Variants in TRAF3 observed in about 807,000 individuals in gnomAD.
TRAF3 encodes TNF receptor associated factor 3, also known as TNF receptor-associated factor 3.
TRAF3 carries 13 observed loss-of-function variants against 62.3 expected under a neutral mutation model. The ratio of observed to expected loss-of-function variants is 0.21; its 90% CI spans 0.14 to 0.33. The LOEUF is 0.33. Ranked by LOEUF, TRAF3 falls within the 10% of genes least tolerant of loss-of-function variation. The pLI, the probability that TRAF3 is intolerant of heterozygous loss-of-function variation, is 1.00. For missense variants in TRAF3, 440 were observed against 741.8 expected, an observed-to-expected ratio of 0.59 and a Z score of 4.73; for synonymous variants, 269 against 283.4, an observed-to-expected ratio of 0.95 and a Z score of 0.51.
At chr14:102,876,611 C>A (rs569896245) in intron 6 of TRAF3, 86 bp downstream of exon 6, 1 of 1,528,904 alleles carries the variant, frequency 6.5e-7, no homozygotes, top group African/African-American at 1.4e-5. Context: ...GTAGATAATC[C>A]GTTCCACAGG....
chr14:102,797,851 C>T (rs1898185192), intron 1 of TRAF3, among the ~76,000 whole-genome samples: 1 of 151,956 alleles, frequency 6.6e-6, no homozygotes. Context: ...GATTCTCCCG[C>T]CTCAGCTTCC....
intron 2 of TRAF3, among the ~76,000 whole-genome samples, chr14:102,858,826 A>G (rs1887527555): frequency 6.6e-6 from 1 of 152,240 alleles, no homozygotes; most frequent in African/African-American, 2.4e-5. Context: ...TATGATTTTT[A>G]TACCAAATAA....
chr14:102,850,456 G>A (rs1018058871), intron 2 of TRAF3, among the ~76,000 whole-genome samples: 1 of 152,008 alleles, frequency 6.6e-6, no homozygotes, highest in African/African-American at 2.4e-5. Context: ...CAGCACTTTG[G>A]GAGGCCGAGA....
chr14:102,867,300 T>G (rs1175891822), intron 2 of TRAF3, among the ~76,000 whole-genome samples: 2 of 152,238 alleles, frequency 1.3e-5, no homozygotes, highest in Non-Finnish European at 2.9e-5. Flanking sequence ...TCTTTGTTTT[T>G]ATAACACTTA....
intron 2 of TRAF3, among the ~76,000 whole-genome samples, chr14:102,863,571 C>T (rs560377015): frequency 6.6e-6 from 1 of 152,288 alleles, no homozygotes; most frequent in Admixed American, 6.5e-5. Context: ...AGCCTAGGGC[C>T]TTTTCAGGTC....
intron 2 of TRAF3, among the ~76,000 whole-genome samples, chr14:102,868,391 C>A (rs560142865): frequency 7.9e-4 from 120 of 152,318 alleles, no homozygotes; most frequent in African/African-American, 2.6e-3. Flanking sequence ...TTCACAGCCA[C>A]TCCCTTCCTT....
intron 2 of TRAF3, among the ~76,000 whole-genome samples, chr14:102,867,564 G>A (rs1433130061): frequency 6.6e-6 from 1 of 152,154 alleles, no homozygotes; most frequent in Admixed American, 6.5e-5. Context: ...TGTCTGGGTA[G>A]GCTCAGCCAT....
chr14:102,792,753 C>A (rs531154075), intron 1 of TRAF3, among the ~76,000 whole-genome samples: 3 of 152,092 alleles, frequency 2.0e-5, no homozygotes, highest in East Asian at 1.9e-4. Context: ...GGTATATAAT[C>A]CTTTTAATGT....
chr14:102,875,799 T>C, intron 5 of TRAF3, 71 bp downstream of exon 5: 5 of 1,339,224 alleles, frequency 3.7e-6, no homozygotes, highest in Non-Finnish European at 5.4e-6. Flanking sequence ...GCTGATGAAG[T>C]GGTCAGTAGG....
intron 1 of TRAF3, among the ~76,000 whole-genome samples, chr14:102,809,793 G>C (rs1899014737): frequency 6.6e-6 from 1 of 151,958 alleles, no homozygotes; most frequent in Admixed American, 6.6e-5. Flanking sequence ...GCCTCCTAAA[G>C]TGCTGGGATT....
chr14:102,822,243 G>C (rs1336491341), intron 1 of TRAF3, among the ~76,000 whole-genome samples: 1 of 152,096 alleles, frequency 6.6e-6, no homozygotes, highest in African/African-American at 2.4e-5. Context: ...CAATGGGAAG[G>C]CTCCATTAGC....
At chr14:102,800,252 A>AT (rs1335707671) in intron 1 of TRAF3, among the ~76,000 whole-genome samples, 4 of 152,214 alleles carry the variant, frequency 2.6e-5, no homozygotes, top group Non-Finnish European at 5.9e-5. Flanking sequence ...GAAGCAGCAC[A>AT]TTCCCTCCAG....
intron 2 of TRAF3, among the ~76,000 whole-genome samples, chr14:102,866,892 C>CAA (rs1491305083): frequency 6.8e-6 from 1 of 146,486 alleles, no homozygotes; most frequent in East Asian, 2.0e-4. Flanking sequence ...CACACACACA[C>CAA]AAAACAATGA....
intron 6 of TRAF3, among the ~76,000 whole-genome samples, chr14:102,881,728 C>A (rs1364031107): frequency 6.6e-6 from 1 of 152,102 alleles, no homozygotes; most frequent in African/African-American, 2.4e-5. Flanking sequence ...TGCACATGTA[C>A]CCTGGAACTT....
chr14:102,844,727 T>C (rs908159293), intron 2 of TRAF3, among the ~76,000 whole-genome samples: 1 of 152,158 alleles, frequency 6.6e-6, no homozygotes, highest in African/African-American at 2.4e-5. Flanking sequence ...TTCAAAATTA[T>C]GATGAAATTC....
At chr14:102,836,879 C>T (rs935805529) in intron 2 of TRAF3, among the ~76,000 whole-genome samples, 2 of 152,056 alleles carry the variant, frequency 1.3e-5, no homozygotes, top group African/African-American at 4.8e-5. Context: ...GTCAGGGAAA[C>T]CTATCACAGT....
intron 10 of TRAF3, among the ~76,000 whole-genome samples, chr14:102,899,047 C>T (rs1890144056): frequency 6.6e-6 from 1 of 152,158 alleles, no homozygotes; most frequent in African/African-American, 2.4e-5. Context: ...TCAGAGCAGG[C>T]TGCCCGCGCC....
intron 2 of TRAF3, among the ~76,000 whole-genome samples, chr14:102,833,495 G>T (rs1383952937): frequency 1.3e-5 from 2 of 152,116 alleles, no homozygotes; most frequent in Non-Finnish European, 2.9e-5. Flanking sequence ...TCATGCAAGC[G>T]AACACCCATA....
rs539030245 is a variant in TRAF3 at position 102,787,937 on chromosome 14, T to C, written c.-157+10262T>C. On this transcript the variant is annotated intron_variant, in intron 1 of 11. Coordinates refer to ENST00000392745, the MANE Select transcript of TRAF3 (RefSeq NM_145725.3). ...TGTGATCTTGGCTCACTGCAACCTA[T>C]GCGTCCCAGGTTCAAGCCATTCTCA... 9.9e-5 allele frequency among the ~76,000 whole-genome samples: 15 copies of C among 151,126 alleles called. No homozygotes were observed. The South Asian group carries it at 2.8e-3, about 28-fold the overall frequency.
Sources: allele counts gnomAD v4.1 joint callset (sites outside exome capture counted in the v4.1 genomes callset), GRCh38; gene constraint gnomAD v4.1.1; transcripts MANE v1.5; gene names NCBI Gene and HGNC (gene_info 2026-07-23, HGNC 2026-07-21).